Variants in BMERB1 observed in about 807,000 individuals in gnomAD.
BMERB1 encodes bMERB domain-containing protein 1.
In BMERB1, 12 loss-of-function variants were observed where a neutral mutation model predicts 23.6. The ratio of observed to expected loss-of-function variants is 0.51; its 90% CI spans 0.33 to 0.82. BMERB1 has a LOEUF of 0.82. Ranked by LOEUF, BMERB1 falls within the 40% of genes least tolerant of loss-of-function variation. The pLI, the probability that BMERB1 is intolerant of heterozygous loss-of-function variation, is 0.03. For missense variants in BMERB1, 247 were observed against 255.4 expected, an observed-to-expected ratio of 0.97 and a Z score of 0.22; for synonymous variants, 122 against 96.6, an observed-to-expected ratio of 1.26 and a Z score of -1.54.
chr16:15,548,940 G>C (rs898705622), intron 2 of BMERB1, among the ~76,000 whole-genome samples: 10 of 152,266 alleles, frequency 6.6e-5, no homozygotes, highest in South Asian at 2.1e-4. Context: ...CCCAGTCCAT[G>C]GGCTAAGCAG....
chr16:15,545,222 C>T (rs1290736095), intron 2 of BMERB1, among the ~76,000 whole-genome samples: 1 of 152,136 alleles, frequency 6.6e-6, no homozygotes, highest in East Asian at 1.9e-4. Context: ...ATCCACCTGC[C>T]TCGGCCTCCC....
At chr16:15,558,746 C>G (rs1190243981) in intron 2 of BMERB1, among the ~76,000 whole-genome samples, 1 of 151,320 alleles carries the variant, frequency 6.6e-6, no homozygotes, top group Non-Finnish European at 1.5e-5. Flanking sequence ...GGCTGCTTGA[C>G]TTTTAGCTAT....
intron 2 of BMERB1, among the ~76,000 whole-genome samples, chr16:15,563,357 C>T (rs536739733): frequency 3.3e-5 from 5 of 152,140 alleles, no homozygotes; most frequent in South Asian, 2.1e-4. Flanking sequence ...GTAGCTGGGA[C>T]TACAGGTGCC....
intron 1 of BMERB1, among the ~76,000 whole-genome samples, chr16:15,444,125 T>G (rs902181638): frequency 1.7e-5 from 1 of 58,112 alleles, no homozygotes; most frequent in African/African-American, 5.3e-5. Context: ...CCAGCTTTGT[T>G]TTTTTTTTTT....
At chr16:15,519,230 C>CGGT (rs2051819671) in intron 2 of BMERB1, among the ~76,000 whole-genome samples, 1 of 152,038 alleles carries the variant, frequency 6.6e-6, no homozygotes, top group African/African-American at 2.4e-5. Flanking sequence ...GAAAGACTCC[C>CGGT]GGTGGCCGTA....
At chr16:15,580,697 G>A (rs113680533) in intron 3 of BMERB1, among the ~76,000 whole-genome samples, 9,129 of 151,484 alleles carry the variant, frequency 0.06, 946 homozygotes, top group African/African-American at 0.21. Context: ...ACAGGCACCC[G>A]CCACCACACC....
chr16:15,559,649 C>A (rs1485458395), intron 2 of BMERB1, among the ~76,000 whole-genome samples: 1 of 152,232 alleles, frequency 6.6e-6, no homozygotes, highest in Non-Finnish European at 1.5e-5. Flanking sequence ...AATGGCAGAA[C>A]CCATCCTTCC....
intron 2 of BMERB1, among the ~76,000 whole-genome samples, chr16:15,554,145 A>G (rs1451292164): frequency 6.6e-6 from 1 of 151,962 alleles, no homozygotes; most frequent in Non-Finnish European, 1.5e-5. Flanking sequence ...TTGCATCTCG[A>G]TTTGAGCAGC....
At chr16:15,482,870 CACTT>C (rs1293555596) in intron 1 of BMERB1, among the ~76,000 whole-genome samples, 2 of 152,112 alleles carry the variant, frequency 1.3e-5, no homozygotes, top group African/African-American at 2.4e-5. Flanking sequence ...TGCGTTGTCT[CACTT>C]AGTGTTTCTG....
intron 2 of BMERB1, among the ~76,000 whole-genome samples, chr16:15,523,022 A>G (rs1299480118): frequency 4.0e-5 from 6 of 151,878 alleles, no homozygotes; most frequent in Non-Finnish European, 8.8e-5. Flanking sequence ...GGAGAATGAG[A>G]GCAAGGTTTT....
chr16:15,466,470 G>A (rs887148282), intron 1 of BMERB1, among the ~76,000 whole-genome samples: 3 of 151,452 alleles, frequency 2.0e-5, no homozygotes, highest in Non-Finnish European at 2.9e-5. Context: ...TTTTGTTCCC[G>A]ATTGTTTTGT....
chr16:15,575,287 C>G (rs1345644737), intron 3 of BMERB1, among the ~76,000 whole-genome samples: 2 of 152,134 alleles, frequency 1.3e-5, no homozygotes, highest in African/African-American at 4.8e-5. Flanking sequence ...TGAAAAACAA[C>G]TCAGACATAT....
At chr16:15,476,261 C>T (rs1192379832) in intron 1 of BMERB1, among the ~76,000 whole-genome samples, 1 of 149,176 alleles carries the variant, frequency 6.7e-6, no homozygotes, top group Non-Finnish European at 1.5e-5. Context: ...CTCCCGGGTT[C>T]AAGTGATTCT....
intron 2 of BMERB1, among the ~76,000 whole-genome samples, chr16:15,550,011 G>C (rs1291333717): frequency 6.6e-6 from 1 of 151,072 alleles, no homozygotes; most frequent in Non-Finnish European, 1.5e-5. Context: ...GTGCAGTGGT[G>C]CCATCTCGGC....
intron 1 of BMERB1, among the ~76,000 whole-genome samples, chr16:15,492,190 T>G (rs904049031): frequency 2.0e-5 from 3 of 152,204 alleles, no homozygotes; most frequent in Non-Finnish European, 4.4e-5. Context: ...CTAGCTTTTG[T>G]GCTCAGTGTT....
At chr16:15,541,599 ATTTTTTT>A (rs962962059) in intron 2 of BMERB1, among the ~76,000 whole-genome samples, 13 of 87,876 alleles carry the variant, frequency 1.5e-4, no homozygotes, top group East Asian at 2.9e-4. Flanking sequence ...CTAATTTTTA[ATTTTTTT>A]TTTTTTTTTT....
intron 3 of BMERB1, among the ~76,000 whole-genome samples, chr16:15,575,432 G>A (rs1160855226): frequency 6.6e-6 from 1 of 152,178 alleles, no homozygotes; most frequent in African/African-American, 2.4e-5. Context: ...CTAGCTAGGT[G>A]CCTAGAATTT....
Position 15,588,009 on chromosome 16 carries a change from T to C in BMERB1, c.*1180T>C, listed in dbSNP as rs908480933. On this transcript the variant is annotated 3_prime_UTR_variant, in exon 6 of 6. Transcript: ENST00000300006. ...TTTTCTTGATTATGGAAGTAATCCA[T>C]GTACATAGTAAATCATTTTAAAAGT... 5 of 152,120 alleles carry C rather than the reference T, an allele frequency of 3.3e-5. No individual in the cohort carries two copies. Among genetic ancestry groups the C allele is most frequent in the African/African-American group, 1.2e-4 (5 of 41,370 alleles). 9.4% of individuals were successfully genotyped at this position (152,120 alleles called of 1,614,324 possible).
chr16:15,525,738 GA>G (rs1307518644), intron 2 of BMERB1, among the ~76,000 whole-genome samples: 3 of 151,602 alleles, frequency 2.0e-5, no homozygotes, highest in East Asian at 1.9e-4. Context: ...AAAGAATAAA[GA>G]AAAAACAAAT....
Sources: gnomAD v4.1 joint callset for allele counts (sites outside exome capture counted in the v4.1 genomes callset) on GRCh38, gnomAD v4.1.1 for gene constraint, MANE v1.5 for transcripts, NCBI Gene and HGNC (gene_info 2026-07-23, HGNC 2026-07-21) for gene names.